The following FRMD6 variants were observed in gnomAD, a reference collection of about 807,000 sequenced individuals.
FRMD6 encodes the protein FERM domain containing 6, also known as FERM domain-containing protein 6.
In FRMD6, 37 loss-of-function variants were observed where a neutral mutation model predicts 73.2. The ratio of observed to expected loss-of-function variants is 0.51; its 90% confidence interval spans 0.39 to 0.66. The LOEUF (loss-of-function observed/expected upper bound fraction) is 0.66, where lower values mean the gene tolerates loss of function less well. FRMD6 is among the 30% of genes least tolerant of loss of function. The probability of loss-of-function intolerance (pLI) is 0.00; values close to 1 mark genes in which losing one functional copy is unlikely to be tolerated. For synonymous variants in FRMD6, 273 were observed against 282.2 expected (o/e 0.97, Z 0.33); for missense variants, 714 against 780.5 (o/e 0.91, Z 1.02).
Position 51,725,883 on chromosome 14 carries a change from T to C in FRMD6, c.1584+13T>C, listed in dbSNP as rs768495827. 3.8e-6 allele frequency: 6 copies of C among 1,580,502 alleles called. No individual in the cohort carries two copies. Among genetic ancestry groups the C allele is most frequent in the African/African-American group, 1.3e-5 (1 of 74,136 alleles). On this transcript the variant is annotated intron_variant, in intron 13 of 13. Transcript: ENST00000344768. The stretch of plus-strand genomic sequence containing the variant: ...TTCTCTTCCACAGGTATTAAAGGAA[T>C]TGAAAAATATCAGTTAGGAAACTGA...
chr14:51,425,224 G>A, the FRMD6 span, among the ~76,000 whole-genome samples: 1 of 152,128 alleles, frequency 6.6e-6, no homozygotes, highest in Non-Finnish European at 1.5e-5. Context: ...CCCTGCCCTG[G>A]TCTTGGCTCC....
At chr14:51,622,282 A>G (rs1396639911) in intron 2 of FRMD6, among the ~76,000 whole-genome samples, 2 of 152,200 alleles carry the variant, frequency 1.3e-5, no homozygotes, top group African/African-American at 4.8e-5. Context: ...ACCTGTTGTG[A>G]TTTCTTTCCT....
chr14:51,431,079 TTTCTA>T, the FRMD6 span, among the ~76,000 whole-genome samples: 1 of 152,210 alleles, frequency 6.6e-6, no homozygotes, highest in Admixed American at 6.5e-5. Flanking sequence ...AGGTTATTGT[TTTCTA>T]TATATACCCA....
chr14:51,518,001 T>A (rs1239486230), intron 1 of FRMD6, among the ~76,000 whole-genome samples: 1 of 152,168 alleles, frequency 6.6e-6, no homozygotes, highest in African/African-American at 2.4e-5. Flanking sequence ...CGGACAAGTA[T>A]AACATACAAA....
At position 51,491,632 on chromosome 14, in the gene FRMD6, CAAACA is replaced by C. The variant is rs199685582; in HGVS notation, c.-210+2226_-210+2230del. The stretch of plus-strand genomic sequence containing the variant: ...GGTATCCCCATTTCATAGAAACAAA[CAAACA>C]AAACAAAACAAAAAAATTTAAAAAA... On this transcript the variant is annotated intron_variant, in intron 1 of 14. Transcript: ENST00000356218. The C allele has an allele frequency of 9.1e-3, 1,383 of 152,302 alleles. 22 individuals carry two copies. Among genetic ancestry groups the C allele is most frequent in the African/African-American group, 0.032 (1,317 of 41,548 alleles). The allele number at this position is 152,302 out of a possible 1,614,324, so 9.4% of individuals were successfully genotyped here.
intron 2 of FRMD6, among the ~76,000 whole-genome samples, chr14:51,580,218 A>T (rs1888642396): frequency 1.3e-5 from 2 of 152,088 alleles, no homozygotes; most frequent in Non-Finnish European, 2.9e-5. Flanking sequence ...ACAACCTGGG[A>T]GGAATGTGGA....
chr14:51,675,647 G>T (rs1224627941), intron 1 of FRMD6, among the ~76,000 whole-genome samples: 1 of 152,042 alleles, frequency 6.6e-6, no homozygotes, highest in East Asian at 1.9e-4. Context: ...GACTTTTGTA[G>T]CAGTAGAAAG....
the FRMD6 span, among the ~76,000 whole-genome samples, chr14:51,445,373 G>A: frequency 6.6e-6 from 1 of 152,120 alleles, no homozygotes; most frequent in East Asian, 1.9e-4. Context: ...CTGGGTTGAG[G>A]AGTCTCGGTT....
the FRMD6 span, among the ~76,000 whole-genome samples, chr14:51,437,545 G>A: frequency 1.2e-4 from 19 of 152,222 alleles, no homozygotes; most frequent in East Asian, 1.7e-3. Context: ...CTTGTGATCC[G>A]CCCGCCTCGG....
chr14:51,627,235 A>G (rs1050433973), intron 2 of FRMD6, among the ~76,000 whole-genome samples: 53 of 152,348 alleles, frequency 3.5e-4, no homozygotes, highest in African/African-American at 1.2e-3. Flanking sequence ...TGCACTAGCC[A>G]AACTTCCCTA....
the FRMD6 span, among the ~76,000 whole-genome samples, chr14:51,417,532 G>C: frequency 6.6e-6 from 1 of 152,210 alleles, no homozygotes; most frequent in Non-Finnish European, 1.5e-5. Flanking sequence ...CTGTTAATCT[G>C]ATGGGCTTCC....
At chr14:51,618,930 T>C (rs543933758) in intron 2 of FRMD6, among the ~76,000 whole-genome samples, 2 of 149,362 alleles carry the variant, frequency 1.3e-5, no homozygotes, top group East Asian at 1.9e-4. Context: ...TAATTACATA[T>C]ATTATATATG....
upstream of FRMD6, among the ~76,000 whole-genome samples, chr14:51,648,954 CTCA>C (rs1191911275): frequency 6.6e-6 from 1 of 152,134 alleles, no homozygotes; most frequent in Non-Finnish European, 1.5e-5. Context: ...AGAAAAACAT[CTCA>C]TCATATTAGT....
chr14:51,567,577 C>T (rs1179630034), intron 1 of FRMD6, among the ~76,000 whole-genome samples: 1 of 152,206 alleles, frequency 6.6e-6, no homozygotes, highest in Non-Finnish European at 1.5e-5. Context: ...AGGCCTCAAG[C>T]AATCCTCCTG....
At chr14:51,538,430 T>G (rs1886021485) in intron 1 of FRMD6, among the ~76,000 whole-genome samples, 1 of 152,172 alleles carries the variant, frequency 6.6e-6, no homozygotes. Context: ...TTCTTTTCCT[T>G]TGTCACATGT....
intron 1 of FRMD6, among the ~76,000 whole-genome samples, chr14:51,674,510 T>A (rs180856461): frequency 7.5e-4 from 114 of 152,160 alleles, no homozygotes; most frequent in African/African-American, 2.7e-3. Context: ...GTCTCAGTAC[T>A]TCTGCCTTTC....
At chr14:51,568,227 A>G (rs1350879878) in intron 1 of FRMD6, among the ~76,000 whole-genome samples, 7 of 152,268 alleles carry the variant, frequency 4.6e-5, no homozygotes, top group Admixed American at 6.5e-5. Flanking sequence ...TTCTGAGCCA[A>G]TTCTTGTCTG....
At chr14:51,526,140 T>C (rs17124101) in intron 1 of FRMD6, among the ~76,000 whole-genome samples, 21,037 of 152,174 alleles carry the variant, frequency 0.14, 1,548 homozygotes, top group East Asian at 0.26. Context: ...TGATAGGGAC[T>C]ATGCTCTGTA....
chr14:51,585,575 G>A (rs984948518), intron 2 of FRMD6, among the ~76,000 whole-genome samples: 4 of 152,106 alleles, frequency 2.6e-5, no homozygotes, highest in Non-Finnish European at 5.9e-5. Flanking sequence ...TATGAGCTAT[G>A]TGACTTTAGA....
Sources: allele counts gnomAD v4.1 joint callset (sites outside exome capture counted in the v4.1 genomes callset), GRCh38; gene constraint gnomAD v4.1.1; transcripts MANE v1.5; gene names NCBI Gene and HGNC (gene_info 2026-07-23, HGNC 2026-07-21).